Variants in SLC45A4 observed in about 807,000 individuals in gnomAD.
SLC45A4 encodes polyamine-transporter SLC45A4.
A neutral mutation model predicts 63.7 loss-of-function variants in SLC45A4; 32 were observed. The ratio of observed to expected loss-of-function variants is 0.50; its 90% CI spans 0.38 to 0.67. The LOEUF (loss-of-function observed/expected upper bound fraction) is 0.67, where lower values mean the gene tolerates loss of function less well. Among genes scored for constraint, SLC45A4 ranks in the 30% least tolerant of loss-of-function variants. SLC45A4 has a pLI of 0.00. For synonymous variants in SLC45A4, 535 were observed against 510.0 expected (o/e 1.05, Z -0.66); for missense variants, 1,027 against 1,157.7 (o/e 0.89, Z 1.64).
chr8:141,221,820 A>G (rs1826655855), intron 2 of SLC45A4, 55 bp from the exon 3 acceptor site: 2 of 1,580,972 alleles, frequency 1.3e-6, no homozygotes, highest in Admixed American at 1.8e-5. Context: ...GCTCTGCCAC[A>G]GTTTTCCTGG....
At chr8:141,301,091 C>T (rs1830729544) in intron 1 of SLC45A4, among the ~76,000 whole-genome samples, 1 of 152,130 alleles carries the variant, frequency 6.6e-6, no homozygotes, top group African/African-American at 2.4e-5. Flanking sequence ...GGAGAAAGTC[C>T]CGGTGCCCAG....
chr8:141,274,602 G>A (rs894713804), intron 1 of SLC45A4, among the ~76,000 whole-genome samples: 3 of 151,346 alleles, frequency 2.0e-5, no homozygotes, highest in African/African-American at 7.3e-5. Context: ...CCTTGGCCTG[G>A]GGCTAGATTT....
intron 2 of SLC45A4, among the ~76,000 whole-genome samples, chr8:141,233,414 G>A (rs187997350): frequency 5.3e-4 from 81 of 152,290 alleles, no homozygotes; most frequent in African/African-American, 1.6e-3. Context: ...AGCCAGGTGC[G>A]GTGGCTCACA....
intron 1 of SLC45A4, among the ~76,000 whole-genome samples, chr8:141,286,759 G>A (rs1479834880): frequency 5.2e-5 from 2 of 38,122 alleles, no homozygotes; most frequent in African/African-American, 1.0e-4. Flanking sequence ...CCCCACCACC[G>A]ACCCCATACC....
chr8:141,263,380 AAAAAAGAAGAAG>A (rs1193051448), intron 1 of SLC45A4, among the ~76,000 whole-genome samples: 7 of 62,178 alleles, frequency 1.1e-4, no homozygotes, highest in African/African-American at 3.4e-4. Flanking sequence ...TAAAATTTTA[AAAAAAGAAGAAG>A]AAAAAAGAAA....
intron 1 of SLC45A4, among the ~76,000 whole-genome samples, chr8:141,281,249 G>A (rs1259359439): frequency 6.6e-6 from 1 of 152,236 alleles, no homozygotes; most frequent in Non-Finnish European, 1.5e-5. Flanking sequence ...TGAGGTAGGA[G>A]AATCACTTGA....
chr8:141,269,174 C>T (rs1041439950), intron 1 of SLC45A4, among the ~76,000 whole-genome samples: 16 of 152,262 alleles, frequency 1.1e-4, no homozygotes, highest in African/African-American at 3.9e-4. Flanking sequence ...CCTGGCGGGG[C>T]AGCTACTACG....
chr8:141,212,312 C>A lies in SLC45A4; in HGVS notation c.2186G>T (p.Gly729Val). 6.2e-7 allele frequency: 1 copy of A among 1,610,834 alleles called. No individual in the cohort carries two copies. Among genetic ancestry groups the A allele is most frequent in the Middle Eastern group, 1.7e-4 (1 of 6,050 alleles). ...TTCGCCGGCCAACGGGGAAGACAGGCCTTTCTGCTCCTCCTTGGCCTCCTC... is the reference window on the plus strand; with the variant it reads ...TTCGCCGGCCAACGGGGAAGACAGGACTTTCTGCTCCTCCTTGGCCTCCTC... ...VSEEAKEEQKGLSSPLAGEGR... is the reference protein window; with the variant it reads ...VSEEAKEEQKVLSSPLAGEGR... Residue 729 changes from glycine (G) to valine (V), a missense_variant, in exon 8 of 9, where the codon GGC becomes GTC. By Grantham distance (109) the Gly-to-Val change is moderately radical. Transcript: ENST00000517878.
At position 141,211,600 on chromosome 8, in the gene SLC45A4, A is replaced by AT. The variant is rs765323954; in HGVS notation, c.2398dup (p.Ile800AsnfsTer13). The AT allele has an allele frequency of 2.5e-6, 4 of 1,612,396 alleles. No individual in the cohort carries two copies. The highest frequency in any genetic ancestry group is 1.1e-5 in the South Asian group (1 of 90,856). On this transcript the variant is annotated frameshift_variant, in exon 9 of 9. Coordinates refer to ENST00000517878, the MANE Select transcript of SLC45A4 (RefSeq NM_001286646.2). LOFTEE classifies it low-confidence loss of function (END_TRUNC). ...AGAGAACCACATTGTGGAAAAGAAA[A>AT]TTTTTTTTCTAAAATAATCATAAAG...
At chr8:141,269,887 T>G (rs1246385744) in intron 1 of SLC45A4, among the ~76,000 whole-genome samples, 1 of 152,266 alleles carries the variant, frequency 6.6e-6, no homozygotes, top group Middle Eastern at 3.4e-3. Context: ...GGACACCGTA[T>G]GGCCACAGTG....
At position 141,256,617 on chromosome 8, in the gene SLC45A4, C is replaced by A; in HGVS notation, c.-400-1988G>T. On this transcript the variant is annotated intron_variant, in intron 1 of 8. Transcript: ENST00000517878. The surrounding 1 kb of genome is among the most constrained non-coding windows in gnomAD (Gnocchi z 4.3). ...ACGTCCCAGCTCTTCCCTACATCTT[C>A]TTTCACGCTGCAGCGGAAACCAGAA... 1 of 456,298 alleles carries A rather than the reference C, an allele frequency of 2.2e-6. No individual in the cohort carries two copies. The allele number at this position is 456,298 out of a possible 1,614,324, so 28.3% of individuals were successfully genotyped here. A position where few individuals can be genotyped will look rare whatever the true frequency, so the allele number is the denominator to read the frequency against.
intron 1 of SLC45A4, among the ~76,000 whole-genome samples, chr8:141,301,734 CAAAAAAAAA>C (rs564016568): frequency 6.8e-4 from 27 of 39,586 alleles, no homozygotes; most frequent in African/African-American, 2.0e-3. Flanking sequence ...GACCCTATCT[CAAAAAAAAA>C]AAAAAAAAAA....
chr8:141,223,306 G>A (rs558539522), intron 2 of SLC45A4, among the ~76,000 whole-genome samples: 4 of 152,338 alleles, frequency 2.6e-5, no homozygotes, highest in Admixed American at 6.5e-5. Context: ...ACGCGTGTCC[G>A]CTGGATGGGT....
intron 1 of SLC45A4, among the ~76,000 whole-genome samples, chr8:141,307,454 T>G: frequency 6.6e-6 from 1 of 150,496 alleles, no homozygotes; most frequent in South Asian, 2.1e-4. Flanking sequence ...AGGCTGGGGG[T>G]CCGAGGCGGG....
At chr8:141,293,549 C>T (rs958403041) in intron 1 of SLC45A4, among the ~76,000 whole-genome samples, 38 of 152,250 alleles carry the variant, frequency 2.5e-4, no homozygotes, top group Non-Finnish European at 4.4e-4. Context: ...GTGGCAATGT[C>T]TGCCTTTGAG....
intron 8 of SLC45A4, 67 bp from the exon 9 acceptor site, chr8:141,211,764 A>C (rs1825828103): frequency 6.9e-7 from 1 of 1,459,528 alleles, no homozygotes; most frequent in Non-Finnish European, 9.1e-7. Flanking sequence ...TGAAGCATTC[A>C]GATAAGACTT....
intron 1 of SLC45A4, among the ~76,000 whole-genome samples, chr8:141,285,880 A>G (rs1830124552): frequency 6.6e-6 from 1 of 152,210 alleles, no homozygotes; most frequent in Non-Finnish European, 1.5e-5. Flanking sequence ...GGCACCCTCA[A>G]GACCTCTGGA....
chr8:141,291,285 AAGAT>A (rs909565381), intron 1 of SLC45A4, among the ~76,000 whole-genome samples: 1 of 152,196 alleles, frequency 6.6e-6, no homozygotes, highest in Non-Finnish European at 1.5e-5. Flanking sequence ...TGACCCAGAA[AAGAT>A]AGAGAACCAG....
At chr8:141,258,270 C>T (rs896780471) in intron 1 of SLC45A4, among the ~76,000 whole-genome samples, 3 of 152,066 alleles carry the variant, frequency 2.0e-5, no homozygotes, top group Admixed American at 2.0e-4. Flanking sequence ...GCTCCCACAC[C>T]CCCCAGCCTC....
Sources: allele counts gnomAD v4.1 joint callset (sites outside exome capture counted in the v4.1 genomes callset), GRCh38; gene constraint gnomAD v4.1.1; non-coding constraint Gnocchi (gnomAD v3.1); transcripts MANE v1.5; gene names NCBI Gene and HGNC (gene_info 2026-07-23, HGNC 2026-07-21).